MUSK: variants seen among roughly 807,000 people sequenced by gnomAD.
MUSK encodes the protein muscle associated receptor tyrosine kinase, also known as muscle, skeletal receptor tyrosine-protein kinase.
Under a neutral mutation model 88.7 loss-of-function variants are expected in MUSK, and 55 were observed. That is an observed-to-expected ratio of 0.62 (90% CI 0.50 to 0.78). The LOEUF is 0.78. Ranked by LOEUF, MUSK falls within the 30% of genes least tolerant of loss-of-function variation. The pLI, the probability that MUSK is intolerant of heterozygous loss-of-function variation, is 0.00. For synonymous variants in MUSK, 387 were observed against 391.9 expected (o/e 0.99, Z 0.15); for missense variants, 1,015 against 1,074.3 (o/e 0.94, Z 0.77).
chr9:110,762,612 G>A (rs2077418489), intron 8 of MUSK, among the ~76,000 whole-genome samples: 1 of 152,076 alleles, frequency 6.6e-6, no homozygotes, highest in African/African-American at 2.4e-5. Context: ...GAACTGGAGA[G>A]TTCAAGTGGC....
intron 7 of MUSK, among the ~76,000 whole-genome samples, chr9:110,756,461 C>T (rs57369514): frequency 0.094 from 14,288 of 151,674 alleles, 714 homozygotes; most frequent in Middle Eastern, 0.15. Context: ...CCTACCATCC[C>T]AATGGTGGGG....
chr9:110,755,973 T>TAC lies in MUSK; in HGVS notation c.914-6228_914-6227insCA, dbSNP rs1402562251. Among the ~76,000 whole-genome samples, 18 of 84,542 alleles carry TAC rather than the reference T, an allele frequency of 2.1e-4. 1 individual carries two copies. The highest frequency in any genetic ancestry group is 7.6e-3 in the Middle Eastern group (1 of 132). 55.5% of individuals were successfully genotyped at this position (84,542 alleles called of 152,430 possible). On this transcript the variant is annotated intron_variant, in intron 7 of 14. Coordinates refer to ENST00000374448, the MANE Select transcript of MUSK (RefSeq NM_005592.4). ...ATACACATATATATATACATATATA[T>TAC]ATATACATATATATATATATATATG... is the stretch of plus-strand genomic sequence containing the variant.
intron 5 of MUSK, among the ~76,000 whole-genome samples, chr9:110,731,948 T>TTTCCGATTACTATAC (rs1278766882): frequency 2.8e-4 from 7 of 25,442 alleles, no homozygotes; most frequent in Non-Finnish European, 4.2e-4. Context: ...AAATAAAACC[T>TTTCCGATTACTATAC]TTCCAAGAAG....
rs1379894331 is a variant in MUSK at position 110,784,970 on chromosome 9, A to G, written c.1540A>G (p.Thr514Ala). Reference sequence around the variant, plus strand: ...AATATTTGTGCTTCTTACCATAACTACTCTCTATTGCTGCCGAAGAAGAAA... The same window carrying G: ...AATATTTGTGCTTCTTACCATAACTGCTCTCTATTGCTGCCGAAGAAGAAA... ...FAIFVLLTIT[T>A]LYCCRRRKQW... The change falls in exon 12 of 15, where the codon ACT becomes GCT. Residue 514 changes from threonine to alanine, a missense_variant. Coordinates refer to ENST00000374448, the MANE Select transcript of MUSK (RefSeq NM_005592.4). 3 of 1,613,522 alleles carry G rather than the reference A, an allele frequency of 1.9e-6. No homozygotes were observed. Among genetic ancestry groups the G allele is most frequent in the Non-Finnish European group, 2.5e-6 (3 of 1,179,830 alleles).
At chr9:110,729,463 T>C (rs1317825873) in intron 5 of MUSK, among the ~76,000 whole-genome samples, 1 of 151,740 alleles carries the variant, frequency 6.6e-6, no homozygotes, top group Non-Finnish European at 1.5e-5. Context: ...GTAATAGAGT[T>C]GACTGTAGGA....
rs756953369 is a variant in MUSK at position 110,734,257 on chromosome 9, C to T, written c.635C>T (p.Ala212Val). 3.1e-6 allele frequency: 5 copies of T among 1,611,180 alleles called. No individual in the cohort carries two copies. Among genetic ancestry groups the T allele is most frequent in the Admixed American group, 3.4e-5 (2 of 59,634 alleles). The stretch of plus-strand genomic sequence containing the variant: ...ACTTCTGTCTTCCTAACAGTTTTTG[C>T]CAGGATCCTGCGGGCTCCTGAATCC... ...KVVKLEVEVF[A>V]RILRAPESHN... is the part of the protein sequence containing the mutation. Residue 212 changes from alanine (A) to valine (V), a missense_variant, in exon 6 of 15, where the codon GCC becomes GTC. Coordinates refer to ENST00000374448, the MANE Select transcript of MUSK (RefSeq NM_005592.4).
intron 3 of MUSK, among the ~76,000 whole-genome samples, chr9:110,693,301 A>T (rs2076382469): frequency 6.6e-6 from 1 of 151,508 alleles, no homozygotes; most frequent in Non-Finnish European, 1.5e-5. Context: ...TCCTTTGGAG[A>T]TCTCATCCAT....
intron 1 of MUSK, among the ~76,000 whole-genome samples, chr9:110,675,303 G>A (rs1190807196): frequency 7.4e-6 from 1 of 135,662 alleles, no homozygotes; most frequent in Non-Finnish European, 1.5e-5. Context: ...CTCATTACAA[G>A]CTCCGCCTCC....
At chr9:110,788,007 A>T in intron 14 of MUSK, 169 bp downstream of exon 14, 1 of 685,106 alleles carries the variant, frequency 1.5e-6, no homozygotes, top group Non-Finnish European at 2.6e-6. Context: ...TAGGACATTC[A>T]TGGCTTAATG....
intron 7 of MUSK, among the ~76,000 whole-genome samples, chr9:110,755,058 T>C (rs904307478): frequency 2.0e-5 from 3 of 152,240 alleles, no homozygotes; most frequent in Admixed American, 6.5e-5. Context: ...TTTCAGAATG[T>C]AAATAGATAT....
chr9:110,681,120 T>TA (rs1554732461), intron 1 of MUSK, among the ~76,000 whole-genome samples: 1 of 41,164 alleles, frequency 2.4e-5, no homozygotes, highest in Non-Finnish European at 4.7e-5. Context: ...ATATATAATA[T>TA]ATATTATATA....
chr9:110,768,224 G>A (rs1179946716), intron 9 of MUSK, 141 bp downstream of exon 9: 6 of 877,436 alleles, frequency 6.8e-6, no homozygotes, highest in African/African-American at 1.7e-5. Context: ...ATGCCTGGGT[G>A]CAGTGGCTCA....
intron 12 of MUSK, among the ~76,000 whole-genome samples, 191 bp from the exon 13 acceptor site, chr9:110,785,336 T>C (rs998102836): frequency 1.3e-5 from 2 of 152,268 alleles, no homozygotes; most frequent in Non-Finnish European, 2.9e-5. Flanking sequence ...TAAACATTTC[T>C]GAGAAAATGT....
At chr9:110,789,964 T>A (rs1009568022) in intron 14 of MUSK, among the ~76,000 whole-genome samples, 1 of 151,838 alleles carries the variant, frequency 6.6e-6, no homozygotes, top group African/African-American at 2.4e-5. Flanking sequence ...GACACCTAAG[T>A]ATGGAGAAAG....
At chr9:110,772,731 G>A (rs1168033983) in intron 9 of MUSK, among the ~76,000 whole-genome samples, 2 of 152,084 alleles carry the variant, frequency 1.3e-5, no homozygotes, top group Admixed American at 1.3e-4. Context: ...TTCCAAGAAT[G>A]TTTTCTTGCA....
intron 1 of MUSK, among the ~76,000 whole-genome samples, chr9:110,669,859 T>C (rs1206079331): frequency 6.6e-6 from 1 of 152,204 alleles, no homozygotes; most frequent in Non-Finnish European, 1.5e-5. Flanking sequence ...TCAAATTTAA[T>C]GTTATACCAT....
In MUSK at chr9:110,701,653, TTTATTTTA is replaced by T. The variant is rs1211709299; in HGVS notation, c.628+4190_628+4197del. ...AGGTGTGCACTACTGTGCTCAGCTA[TTTATTTTA>T]TTTATTTTATTTTATTTTTTTTACT... is the stretch of plus-strand genomic sequence containing the variant. On this transcript the variant is annotated intron_variant, in intron 5 of 14. Transcript: ENST00000374448. 4.8e-4 allele frequency among the ~76,000 whole-genome samples: 2 copies of T among 4,190 alleles called. 1 individual carries two copies. Among genetic ancestry groups the T allele is most frequent in the Non-Finnish European group, 8.7e-4 (2 of 2,286 alleles). The allele number at this position is 4,190 out of a possible 152,430, so 2.7% of individuals were successfully genotyped here. A position where few individuals can be genotyped will look rare whatever the true frequency, so the allele number is the denominator to read the frequency against.
At chr9:110,746,699 G>A (rs1208340405) in intron 6 of MUSK, among the ~76,000 whole-genome samples, 2 of 152,170 alleles carry the variant, frequency 1.3e-5, no homozygotes, top group African/African-American at 2.4e-5. Flanking sequence ...ACTTCCTGAC[G>A]TGTTGAACTA....
Position 110,734,412 on chromosome 9 carries a change from A to C in MUSK, c.753+37A>C. On this transcript the variant is annotated intron_variant, in intron 6 of 14. Transcript: ENST00000374448. ...GTGTGTGGGGACTTGTCTGGGGAAGACCCATTGGTGGTGAACTTCAGGATA... is the reference window on the plus strand; with the variant it reads ...GTGTGTGGGGACTTGTCTGGGGAAGCCCCATTGGTGGTGAACTTCAGGATA... 2.5e-6 allele frequency: 4 copies of C among 1,612,364 alleles called. No homozygotes were observed. The Admixed American group carries it at 5.0e-5, about 20-fold the overall frequency.
Sources: allele counts gnomAD v4.1 joint callset (sites outside exome capture counted in the v4.1 genomes callset), GRCh38; gene constraint gnomAD v4.1.1; transcripts MANE v1.5; gene names NCBI Gene and HGNC (gene_info 2026-07-23, HGNC 2026-07-21).